DLGAP2: variants seen among roughly 807,000 people sequenced by gnomAD.
DLGAP2 encodes the protein DLG associated protein 2, also known as disks large-associated protein 2.
A neutral mutation model predicts 100.3 loss-of-function variants in DLGAP2; 26 were observed. The observed-to-expected ratio is 0.26, with a 90% CI of 0.19 to 0.36. The LOEUF is 0.36. Ranked by LOEUF, DLGAP2 falls within the 10% of genes least tolerant of loss-of-function variation. DLGAP2 has a pLI of 1.00. For synonymous variants in DLGAP2, 886 were observed against 630.1 expected (o/e 1.41, Z -6.08); for missense variants, 1,858 against 1,453.2 (o/e 1.28, Z -4.53).
At chr8:990,311 ACCCCCT>A (rs1563131686) in intron 2 of DLGAP2, among the ~76,000 whole-genome samples, 4 of 145,184 alleles carry the variant, frequency 2.8e-5, no homozygotes, top group Admixed American at 6.8e-5. Context: ...AGTGGCCCAG[ACCCCCT>A]GCACCCCCAT....
chr8:851,282 CT>C (rs2128987693), intron 1 of DLGAP2, among the ~76,000 whole-genome samples: 1 of 152,294 alleles, frequency 6.6e-6, no homozygotes, highest in Admixed American at 6.5e-5. Context: ...TGAGTACAGT[CT>C]GATGTTCGCA....
intron 2 of DLGAP2, among the ~76,000 whole-genome samples, chr8:1,005,472 A>C (rs1414562714): frequency 6.9e-6 from 1 of 144,400 alleles, no homozygotes; most frequent in African/African-American, 2.6e-5. Flanking sequence ...GCAGTGGTGC[A>C]GTGACAGCTC....
At chr8:1,285,447 A>G (rs939204496) in intron 3 of DLGAP2, among the ~76,000 whole-genome samples, 39 of 152,204 alleles carry the variant, frequency 2.6e-4, no homozygotes, top group African/African-American at 8.7e-4. Context: ...TGAGAAGAAT[A>G]TGCTTATGAG....
At chr8:1,340,380 A>G (rs1316685685) in intron 3 of DLGAP2, among the ~76,000 whole-genome samples, 5 of 152,240 alleles carry the variant, frequency 3.3e-5, no homozygotes, top group Admixed American at 3.3e-4. Context: ...GAATTTAAAC[A>G]CATTTGTAAG....
chr8:898,940 A>T (rs1409962310), intron 1 of DLGAP2, among the ~76,000 whole-genome samples: 1 of 152,218 alleles, frequency 6.6e-6, no homozygotes, highest in Non-Finnish European at 1.5e-5. Flanking sequence ...TGGGAGCTTG[A>T]CGGACAAACA....
intron 2 of DLGAP2, among the ~76,000 whole-genome samples, chr8:1,154,316 A>G (rs935149227): frequency 1.3e-5 from 2 of 152,200 alleles, no homozygotes; most frequent in African/African-American, 4.8e-5. Flanking sequence ...GAGATCCCCC[A>G]GCACAGCAGA....
intron 3 of DLGAP2, among the ~76,000 whole-genome samples, chr8:1,373,990 A>C (rs1441399526): frequency 6.6e-6 from 1 of 151,870 alleles, no homozygotes; most frequent in African/African-American, 2.4e-5. Context: ...ATAGATCACA[A>C]AATGCAACCT....
chr8:887,898 C>T (rs912671367), intron 1 of DLGAP2, among the ~76,000 whole-genome samples: 1 of 152,102 alleles, frequency 6.6e-6, no homozygotes, highest in Non-Finnish European at 1.5e-5. Context: ...CTCTGTATTT[C>T]CTGAATTCCT....
Position 1,087,928 on chromosome 8 carries a change from C to T in DLGAP2, c.74-170923C>T, listed in dbSNP as rs575530323. Among the ~76,000 whole-genome samples the T allele has an allele frequency of 5.3e-5, 8 of 152,360 alleles. No individual in the cohort carries two copies. In the East Asian group the frequency reaches 9.6e-4, roughly 18 times the overall value. On this transcript the variant is annotated intron_variant, in intron 2 of 14. Transcript: ENST00000637795. The stretch of plus-strand genomic sequence containing the variant: ...ACCAGGTCCCCACCCTGGCACAGTC[C>T]GCCCTCAGGGCACAATGTCAGTGCC...
intron 2 of DLGAP2, among the ~76,000 whole-genome samples, chr8:938,156 A>G (rs1482606966): frequency 6.6e-6 from 1 of 152,176 alleles, no homozygotes. Context: ...TGGGAAGGCC[A>G]CAAAGCTCAA....
intron 3 of DLGAP2, among the ~76,000 whole-genome samples, chr8:1,361,524 A>G (rs1050785366): frequency 4.6e-5 from 7 of 152,238 alleles, no homozygotes; most frequent in African/African-American, 1.7e-4. Flanking sequence ...TGAGAATTGC[A>G]TAAACATTTC....
intron 3 of DLGAP2, among the ~76,000 whole-genome samples, chr8:1,370,059 C>T (rs1403486794): frequency 6.6e-6 from 1 of 152,144 alleles, no homozygotes; most frequent in Non-Finnish European, 1.5e-5. Context: ...CCCCATTGGC[C>T]ATTTCTCGGG....
chr8:1,235,103 AGTT>A (rs1563269931), intron 2 of DLGAP2, among the ~76,000 whole-genome samples: 10 of 22,588 alleles, frequency 4.4e-4, no homozygotes, highest in African/African-American at 1.1e-3. Context: ...CGTCGTGTCT[AGTT>A]CTCTCACACA....
chr8:1,089,577 G>A (rs1804103774), intron 2 of DLGAP2, among the ~76,000 whole-genome samples: 1 of 152,234 alleles, frequency 6.6e-6, no homozygotes, highest in Non-Finnish European at 1.5e-5. Context: ...TGAGAGCACT[G>A]AGGCCCACTG....
intron 8 of DLGAP2, among the ~76,000 whole-genome samples, chr8:1,641,966 C>T (rs1228588146): frequency 2.3e-5 from 2 of 85,152 alleles, no homozygotes; most frequent in Non-Finnish European, 4.3e-5. Flanking sequence ...GTGTCACCCT[C>T]GACCCCGCCG....
intron 3 of DLGAP2, among the ~76,000 whole-genome samples, chr8:1,469,076 G>A (rs1249822012): frequency 6.6e-6 from 1 of 151,856 alleles, no homozygotes; most frequent in Non-Finnish European, 1.5e-5. Flanking sequence ...TTCAACGCAT[G>A]ACATGTCCTG....
chr8:1,067,747 G>C (rs769074629), intron 2 of DLGAP2, among the ~76,000 whole-genome samples: 2 of 151,500 alleles, frequency 1.3e-5, no homozygotes, highest in Non-Finnish European at 2.9e-5. Context: ...CCTCCCTCGT[G>C]ACCCAGTCCC....
At chr8:1,153,292 T>G (rs968432117) in intron 2 of DLGAP2, among the ~76,000 whole-genome samples, 1 of 152,152 alleles carries the variant, frequency 6.6e-6, no homozygotes, top group African/African-American at 2.4e-5. Flanking sequence ...AGGAAAAAAA[T>G]CAGCTTTTGG....
At chr8:804,655 C>G (rs530904914) in intron 1 of DLGAP2, among the ~76,000 whole-genome samples, 1 of 152,246 alleles carries the variant, frequency 6.6e-6, no homozygotes, top group Non-Finnish European at 1.5e-5. Context: ...TATGTTCTCT[C>G]TTTTCCCCCA....
Sources: gnomAD v4.1 joint callset for allele counts (sites outside exome capture counted in the v4.1 genomes callset) on GRCh38, gnomAD v4.1.1 for gene constraint, MANE v1.5 for transcripts, NCBI Gene and HGNC (gene_info 2026-07-23, HGNC 2026-07-21) for gene names.